The following PLXDC2 variants were observed in gnomAD, a reference collection of about 807,000 sequenced individuals.
PLXDC2 encodes the protein plexin domain containing 2.
A neutral mutation model predicts 68.9 loss-of-function variants in PLXDC2; 40 were observed. The ratio of observed to expected loss-of-function variants is 0.58; its 90% confidence interval spans 0.45 to 0.76. The LOEUF (loss-of-function observed/expected upper bound fraction) is 0.76. Among genes scored for constraint, PLXDC2 ranks in the 30% least tolerant of loss-of-function variants. PLXDC2 has a pLI of 0.00. For synonymous variants in PLXDC2, 243 were observed against 234.2 expected (o/e 1.04, Z -0.34); for missense variants, 644 against 661.9 (o/e 0.97, Z 0.30).
chr10:19,974,056 CCAAA>C (rs1244638698), intron 1 of PLXDC2, among the ~76,000 whole-genome samples: 2 of 152,088 alleles, frequency 1.3e-5, no homozygotes, highest in African/African-American at 4.8e-5. Flanking sequence ...GTTTTAAGTG[CCAAA>C]CATTTTCAAT....
intron 4 of PLXDC2, among the ~76,000 whole-genome samples, chr10:20,082,251 CAAT>C (rs1283881035): frequency 1.3e-5 from 2 of 151,374 alleles, no homozygotes; most frequent in Non-Finnish European, 2.9e-5. Flanking sequence ...TATTCAATAT[CAAT>C]AATTCAGCTA....
intron 4 of PLXDC2, among the ~76,000 whole-genome samples, chr10:20,105,869 C>T (rs1479134066): frequency 2.0e-5 from 3 of 152,188 alleles, no homozygotes; most frequent in Non-Finnish European, 4.4e-5. Flanking sequence ...ATTTAATCTC[C>T]ACAGATTAAT....
chr10:20,202,751 CT>C (rs1452602915), intron 9 of PLXDC2, among the ~76,000 whole-genome samples: 1 of 152,114 alleles, frequency 6.6e-6, no homozygotes, highest in Non-Finnish European at 1.5e-5. Flanking sequence ...ATACTTCATT[CT>C]CTTTCCCATT....
intron 1 of PLXDC2, among the ~76,000 whole-genome samples, chr10:19,846,562 C>T (rs1837013646): frequency 1.3e-5 from 2 of 152,086 alleles, no homozygotes; most frequent in South Asian, 4.1e-4. Flanking sequence ...TGGTCCATTA[C>T]AATAAAATTG....
At chr10:20,075,858 C>T (rs1166420807) in intron 4 of PLXDC2, among the ~76,000 whole-genome samples, 1 of 152,182 alleles carries the variant, frequency 6.6e-6, no homozygotes, top group East Asian at 1.9e-4. Context: ...GGCTCATCCC[C>T]TTCCATTGCC....
intron 1 of PLXDC2, among the ~76,000 whole-genome samples, chr10:19,966,446 A>AAAATATATATGTGG (rs1241649225): frequency 1.6e-5 from 1 of 62,770 alleles, no homozygotes; most frequent in African/African-American, 6.6e-5. Flanking sequence ...ATATATATAA[A>AAAATATATATGTGG]ACATGTGTGT....
chr10:20,101,198 G>A (rs571871589), intron 4 of PLXDC2, among the ~76,000 whole-genome samples: 133 of 152,290 alleles, frequency 8.7e-4, no homozygotes, highest in Non-Finnish European at 1.6e-3. Context: ...TGGGGGTAGT[G>A]TTGATCTATT....
At chr10:20,084,297 C>T (rs1833160729) in intron 4 of PLXDC2, among the ~76,000 whole-genome samples, 1 of 152,134 alleles carries the variant, frequency 6.6e-6, no homozygotes, top group African/African-American at 2.4e-5. Flanking sequence ...GGAAATAGAG[C>T]TCTTTTGGAC....
chr10:20,146,464 T>C (rs1421922183), intron 5 of PLXDC2, among the ~76,000 whole-genome samples: 1 of 147,848 alleles, frequency 6.8e-6, no homozygotes, highest in Admixed American at 6.8e-5. Context: ...CCTTCCTTCC[T>C]TCCTTTCTTT....
rs1373506093 is a variant in PLXDC2, at chr10:20,289,609, C to T, written c.*9790C>T. 2 of 152,164 alleles carry T rather than the reference C, an allele frequency of 1.3e-5. No individual in the cohort carries two copies. The highest frequency in any genetic ancestry group is 1.5e-5 in the Non-Finnish European group (1 of 68,048). 9.4% of individuals were successfully genotyped at this position (152,164 alleles called of 1,614,324 possible). A position where few individuals can be genotyped will look rare whatever the true frequency, so the allele number is the denominator to read the frequency against. On this transcript the variant is annotated 3_prime_UTR_variant, in exon 14 of 14. Coordinates refer to ENST00000377252, the MANE Select transcript of PLXDC2 (RefSeq NM_032812.9). The stretch of plus-strand genomic sequence containing the variant: ...TCTCCAATTCTGAATATTCCTTCCC[C>T]TTTTCCCAATCCTCCACTCTTGGAC...
At chr10:19,837,754 C>T (rs1281433135) in intron 1 of PLXDC2, among the ~76,000 whole-genome samples, 1 of 152,078 alleles carries the variant, frequency 6.6e-6, no homozygotes, top group East Asian at 1.9e-4. Flanking sequence ...TGTAACTGAA[C>T]TTGTTAGGTC....
At chr10:19,962,832 A>G (rs569398784) in intron 1 of PLXDC2, among the ~76,000 whole-genome samples, 70 of 150,498 alleles carry the variant, frequency 4.7e-4, no homozygotes, top group African/African-American at 1.7e-3. Context: ...TAAAAATACA[A>G]AAACAAAATT....
At chr10:19,834,305 C>G (rs889560707) in intron 1 of PLXDC2, among the ~76,000 whole-genome samples, 4 of 151,056 alleles carry the variant, frequency 2.6e-5, no homozygotes, top group African/African-American at 9.8e-5. Context: ...AAGAACAGCA[C>G]AAAATCACAG....
At chr10:20,069,442 A>T (rs886559100) in intron 4 of PLXDC2, among the ~76,000 whole-genome samples, 4 of 152,110 alleles carry the variant, frequency 2.6e-5, no homozygotes, top group African/African-American at 7.2e-5. Flanking sequence ...GGATCGCTTG[A>T]GCCCAGGAGT....
intron 2 of PLXDC2, among the ~76,000 whole-genome samples, chr10:20,017,223 C>T (rs781536017): frequency 6.6e-6 from 1 of 152,116 alleles, no homozygotes; most frequent in Non-Finnish European, 1.5e-5. Context: ...TGGGCTTTGT[C>T]AGTAGGGAGC....
intron 7 of PLXDC2, 119 bp from the exon 8 acceptor site, chr10:20,176,880 G>A (rs1395996872): frequency 3.0e-6 from 2 of 657,732 alleles, no homozygotes; most frequent in Non-Finnish European, 5.0e-6. Context: ...CACAGGATGA[G>A]GCTTAATTTT....
intron 6 of PLXDC2, among the ~76,000 whole-genome samples, chr10:20,158,353 A>G (rs140124349): frequency 6.6e-6 from 1 of 151,922 alleles, no homozygotes; most frequent in Non-Finnish European, 1.5e-5. Flanking sequence ...TAATTTGCCC[A>G]ATACTTCTAA....
chr10:20,000,656 T>C (rs1452741609), intron 1 of PLXDC2, among the ~76,000 whole-genome samples: 3 of 152,202 alleles, frequency 2.0e-5, no homozygotes, highest in Non-Finnish European at 4.4e-5. Flanking sequence ...TAGGTAATTA[T>C]GCCTGTGATT....
chr10:19,966,811 T>G (rs1834270693), intron 1 of PLXDC2, among the ~76,000 whole-genome samples: 2 of 151,802 alleles, frequency 1.3e-5, no homozygotes, highest in South Asian at 2.1e-4. Context: ...CGTTACCATT[T>G]TTTTTTTCCC....
Sources: allele counts gnomAD v4.1 joint callset (sites outside exome capture counted in the v4.1 genomes callset), GRCh38; gene constraint gnomAD v4.1.1; transcripts MANE v1.5; gene names NCBI Gene and HGNC (gene_info 2026-07-23, HGNC 2026-07-21).